Variants in ZMYM1 observed in about 807,000 individuals in gnomAD.
ZMYM1 encodes the protein zinc finger MYM-type protein 1.
In ZMYM1, 39 loss-of-function variants were observed where a neutral mutation model predicts 60.0. That is an observed-to-expected ratio of 0.65 (90% confidence interval 0.50 to 0.85). The LOEUF is 0.85. Among genes scored for constraint, ZMYM1 ranks in the 40% least tolerant of loss-of-function variants. The probability of loss-of-function intolerance (pLI) is 0.00; values close to 1 mark genes in which losing one functional copy is unlikely to be tolerated. For synonymous variants in ZMYM1, 413 were observed against 454.0 expected, an observed-to-expected ratio of 0.91 and a Z score of 1.15; for missense variants, 1,171 against 1,309.5, an observed-to-expected ratio of 0.89 and a Z score of 1.63.
intron 1 of ZMYM1, among the ~76,000 whole-genome samples, chr1:35,082,641 C>T (rs1642449739): frequency 6.7e-6 from 1 of 149,750 alleles, no homozygotes; most frequent in African/African-American, 2.4e-5. Flanking sequence ...TGCTTTCCAA[C>T]TTTTATGCTA....
At chr1:35,083,957 C>T (rs1372663759) in intron 1 of ZMYM1, among the ~76,000 whole-genome samples, 1 of 152,188 alleles carries the variant, frequency 6.6e-6, no homozygotes, top group African/African-American at 2.4e-5. Context: ...TGTCTATTTT[C>T]TCTTATCCTA....
At chr1:35,064,971 G>A (rs757790888) in intron 1 of ZMYM1, among the ~76,000 whole-genome samples, 7 of 151,744 alleles carry the variant, frequency 4.6e-5, no homozygotes, top group South Asian at 4.2e-4. Flanking sequence ...CACTGCGCCC[G>A]GCCTAAACAA....
intron 3 of ZMYM1, 38 bp downstream of exon 3, chr1:35,095,929 C>A: frequency 7.1e-7 from 1 of 1,400,236 alleles, no homozygotes; most frequent in Non-Finnish European, 1.0e-6. Context: ...TTTATTCAGA[C>A]CAATACGACA....
chr1:35,108,699 A>ATTTT (rs771920421), intron 6 of ZMYM1, among the ~76,000 whole-genome samples: 1 of 106,766 alleles, frequency 9.4e-6, no homozygotes, highest in Non-Finnish European at 2.0e-5. Context: ...TCCATCGGTG[A>ATTTT]TTTTTTTTTT....
chr1:35,076,935 C>CAAAAA (rs1239260936), upstream of ZMYM1, among the ~76,000 whole-genome samples: 3 of 79,394 alleles, frequency 3.8e-5, no homozygotes, highest in South Asian at 4.1e-4. Flanking sequence ...AACTCTGTCT[C>CAAAAA]AAAAAAAAAA....
intron 6 of ZMYM1, among the ~76,000 whole-genome samples, chr1:35,108,235 A>G (rs941761288): frequency 2.6e-5 from 4 of 152,238 alleles, no homozygotes; most frequent in African/African-American, 9.6e-5. Context: ...TAAAAATAGA[A>G]ATTTTCGAAA....
chr1:35,112,871 C>A, intron 9 of ZMYM1, 106 bp from the exon 10 acceptor site: 1 of 1,050,804 alleles, frequency 9.5e-7, no homozygotes, highest in Non-Finnish European at 1.3e-6. Context: ...GGAGCTCATA[C>A]TGTAACTCAG....
At chr1:35,083,990 T>C (rs895874194) in intron 1 of ZMYM1, among the ~76,000 whole-genome samples, 6 of 152,190 alleles carry the variant, frequency 3.9e-5, no homozygotes, top group African/African-American at 1.4e-4. Context: ...AGATCCCACG[T>C]GGCACATTAT....
intron 6 of ZMYM1, among the ~76,000 whole-genome samples, chr1:35,106,689 C>A (rs1473466670): frequency 6.6e-6 from 1 of 151,100 alleles, no homozygotes; most frequent in African/African-American, 2.4e-5. Flanking sequence ...TTGTGACTCA[C>A]ATCTTTTCTA....
chr1:35,115,500 A>G lies in ZMYM1; in HGVS notation c.*241A>G, dbSNP rs150652495. 3.0e-4 allele frequency: 80 copies of G among 270,074 alleles called. 1 individual carries two copies. Among genetic ancestry groups the G allele is most frequent in the African/African-American group, 1.4e-3 (64 of 45,418 alleles). 16.7% of individuals were successfully genotyped at this position (270,074 alleles called of 1,614,324 possible). ...CTTCAGCTTGTCTTCTCTGTGTAAC[A>G]TATTTTTGAGATTGTCCCATGTCGT... On this transcript the variant is annotated 3_prime_UTR_variant, in exon 10 of 10. Coordinates refer to ENST00000359858, the MANE Select transcript of ZMYM1 (RefSeq NM_024772.5).
chr1:35,114,101 T>C lies in ZMYM1; in HGVS notation c.2271T>C (p.Phe757=), dbSNP rs1644187011. The C allele has an allele frequency of 1.9e-6, 3 of 1,612,800 alleles. No homozygotes were observed. In the South Asian group the frequency reaches 3.3e-5, roughly 18 times the overall value. ...TTTTGGATTTATCAATAATTAGGTT[T>C]TGTAAAGAAGTAAAAGAACTCCGAA... ...AHFLDLSIIR[F]CKEVKELRSA... is the part of the protein sequence containing the mutation. The change falls in exon 10 of 10, where the codon TTT becomes TTC. Residue 757 remains phenylalanine (F), a synonymous_variant. Coordinates refer to ENST00000359858, the MANE Select transcript of ZMYM1 (RefSeq NM_024772.5).
At chr1:35,060,456 G>A (rs559843760) in intron 1 of ZMYM1, among the ~76,000 whole-genome samples, 35 of 152,028 alleles carry the variant, frequency 2.3e-4, no homozygotes, top group African/African-American at 8.0e-4. Context: ...CACCGCGCCC[G>A]GCTGGAAAAA....
chr1:35,082,057 A>G (rs530354101), intron 1 of ZMYM1, among the ~76,000 whole-genome samples: 1 of 152,320 alleles, frequency 6.6e-6, no homozygotes, highest in African/African-American at 2.4e-5. Flanking sequence ...TTTTCTTTGT[A>G]TAGAATCATG....
At chr1:35,092,861 G>A (rs150199269) in intron 1 of ZMYM1, among the ~76,000 whole-genome samples, 23 of 152,156 alleles carry the variant, frequency 1.5e-4, no homozygotes, top group Middle Eastern at 6.8e-3. Context: ...CTGATCTCAC[G>A]TGCTCCACCC....
chr1:35,117,073 C>T (rs1357312490), downstream of ZMYM1, among the ~76,000 whole-genome samples: 1 of 150,028 alleles, frequency 6.7e-6, no homozygotes, highest in African/African-American at 2.4e-5. Context: ...CCTCGTGATC[C>T]GCCCGCCTCG....
At chr1:35,105,145 T>TTTTTTG in intron 6 of ZMYM1, among the ~76,000 whole-genome samples, 1 of 144,422 alleles carries the variant, frequency 6.9e-6, no homozygotes, top group African/African-American at 2.6e-5. Context: ...TTTTTTTTTT[T>TTTTTTG]TTTTGGTGAG....
chr1:35,115,427 C>A lies in ZMYM1; in HGVS notation c.*168C>A, dbSNP rs906645421. On this transcript the variant is annotated 3_prime_UTR_variant, in exon 10 of 10. Coordinates refer to ENST00000359858, the MANE Select transcript of ZMYM1 (RefSeq NM_024772.5). ...AAAGTGTTATCTTTTCCTTAAATAT[C>A]CCTCTAGAGGTATTTTTCCTAAGTG... The A allele has an allele frequency of 2.7e-6, 2 of 739,614 alleles. No homozygotes were observed. Among genetic ancestry groups the A allele is most frequent in the Non-Finnish European group, 4.1e-6 (2 of 483,590 alleles). The allele number at this position is 739,614 out of a possible 1,614,324, so 45.8% of individuals were successfully genotyped here. A position where few individuals can be genotyped will look rare whatever the true frequency, so the allele number is the denominator to read the frequency against.
upstream of ZMYM1, among the ~76,000 whole-genome samples, chr1:35,078,820 AT>A (rs1642225932): frequency 6.6e-6 from 1 of 152,082 alleles, no homozygotes; most frequent in Admixed American, 6.6e-5. Context: ...AAGTGCTGGA[AT>A]TATAGGTGTG....
chr1:35,107,783 C>T (rs1466924564), intron 6 of ZMYM1, among the ~76,000 whole-genome samples: 2 of 152,224 alleles, frequency 1.3e-5, no homozygotes, highest in Non-Finnish European at 2.9e-5. Context: ...TTAGCCTTCC[C>T]TTATGAATAT....
Sources: gnomAD v4.1 joint callset for allele counts (sites outside exome capture counted in the v4.1 genomes callset) on GRCh38, gnomAD v4.1.1 for gene constraint, MANE v1.5 for transcripts, NCBI Gene and HGNC (gene_info 2026-07-23, HGNC 2026-07-21) for gene names.